Variants in PCNX2 observed in about 807,000 individuals in gnomAD.
The protein encoded by PCNX2 is pecanex 2.
Under a neutral mutation model 223.8 loss-of-function variants are expected in PCNX2, and 168 were observed. That is an observed-to-expected ratio of 0.75 (90% confidence interval 0.66 to 0.85). The LOEUF is 0.85. Ranked by LOEUF, PCNX2 falls within the 40% of genes least tolerant of loss-of-function variation. The probability of loss-of-function intolerance (pLI) is 0.00; values close to 1 mark genes in which losing one functional copy is unlikely to be tolerated. For synonymous variants in PCNX2, 1,006 were observed against 1,052.6 expected (o/e 0.96, Z 0.86); for missense variants, 2,507 against 2,675.5 (o/e 0.94, Z 1.39).
intron 23 of PCNX2, among the ~76,000 whole-genome samples, chr1:233,060,946 C>T (rs1365731446): frequency 3.3e-5 from 5 of 152,332 alleles, no homozygotes; most frequent in African/African-American, 4.8e-5. Context: ...TCCCTTCAAA[C>T]TTGGCCTTTC....
intron 32 of PCNX2, among the ~76,000 whole-genome samples, chr1:232,988,284 G>A (rs1669565802): frequency 6.6e-6 from 1 of 152,094 alleles, no homozygotes. Context: ...TACTTGGTGG[G>A]GAACTTCCTA....
chr1:233,035,241 T>C (rs558486279), intron 25 of PCNX2, among the ~76,000 whole-genome samples: 2 of 152,366 alleles, frequency 1.3e-5, no homozygotes, highest in South Asian at 2.1e-4. Flanking sequence ...ATTGGGCTTC[T>C]TGGTCCTTCA....
At chr1:233,196,854 T>C (rs142066944) in intron 15 of PCNX2, among the ~76,000 whole-genome samples, 15 of 152,172 alleles carry the variant, frequency 9.9e-5, no homozygotes, top group African/African-American at 3.6e-4. Flanking sequence ...CACTCAGGTA[T>C]TCACTTAGGA....
At position 233,258,061 on chromosome 1, in the gene PCNX2, C is replaced by T; in HGVS notation, c.1801G>A (p.Ala601Thr). 1 of 1,613,926 alleles carries T rather than the reference C, an allele frequency of 6.2e-7. No homozygotes were observed. Among genetic ancestry groups the T allele is most frequent in the South Asian group, 1.1e-5 (1 of 91,082 alleles). ...AGCCCACTTTCTTCATTCTGCTCAG[C>T]TGAGCCATTCAGTTGACTGGATGCC... ...MTASSQLNGS[A>T]EQNEESGLLR... Residue 601 changes from alanine to threonine, a missense_variant, in exon 5 of 34, where the codon GCT becomes ACT. Coordinates refer to ENST00000258229, the MANE Select transcript of PCNX2 (RefSeq NM_014801.4).
chr1:233,123,225 G>A (rs1423373729), intron 21 of PCNX2, among the ~76,000 whole-genome samples: 1 of 152,132 alleles, frequency 6.6e-6, no homozygotes, highest in African/African-American at 2.4e-5. Context: ...GGGTATATGG[G>A]AATTCTCTAT....
At chr1:233,024,206 T>A (rs1170539827) in intron 26 of PCNX2, among the ~76,000 whole-genome samples, 1 of 152,244 alleles carries the variant, frequency 6.6e-6, no homozygotes, top group Non-Finnish European at 1.5e-5. Flanking sequence ...TGAACCACCA[T>A]GTCTGGATTT....
chr1:233,247,817 G>T lies in PCNX2; in HGVS notation c.2222+2922C>A, dbSNP rs562582716. 1.4e-4 allele frequency among the ~76,000 whole-genome samples: 21 copies of T among 149,012 alleles called. 1 individual carries two copies. Among genetic ancestry groups the T allele is most frequent in the Admixed American group, 3.4e-4 (5 of 14,684 alleles). Reference sequence around the variant, plus strand: ...CACTTGAACCTGGAAGGCAGAGGTTGCAGTGAGCCAAGATTGCATCACTGT... The same window carrying T: ...CACTTGAACCTGGAAGGCAGAGGTTTCAGTGAGCCAAGATTGCATCACTGT... On this transcript the variant is annotated intron_variant, in intron 8 of 33. Transcript: ENST00000258229.
intron 23 of PCNX2, chr1:233,086,964 T>A (rs1485412174): frequency 7.6e-6 from 7 of 919,992 alleles, no homozygotes; most frequent in Admixed American, 6.2e-5. Flanking sequence ...GGGCAGAGAG[T>A]AGCAAGCAGG....
chr1:233,088,597 C>G (rs1673714131), intron 23 of PCNX2, among the ~76,000 whole-genome samples: 1 of 152,178 alleles, frequency 6.6e-6, no homozygotes, highest in Non-Finnish European at 1.5e-5. Flanking sequence ...GACAACTTTA[C>G]TTTTATTGCA....
chr1:233,206,637 A>T (rs1445926211), intron 13 of PCNX2, among the ~76,000 whole-genome samples: 1 of 152,024 alleles, frequency 6.6e-6, no homozygotes. Context: ...CAAATTATGG[A>T]TCTGTTCTTA....
In PCNX2 at chr1:233,227,517, A is replaced by G. The variant is rs905961679; in HGVS notation, c.2359-146T>C. On this transcript the variant is annotated intron_variant, in intron 9 of 33. Transcript: ENST00000258229. The stretch of plus-strand genomic sequence containing the variant: ...ACAAAAAGCAAATGTTCAAATTCTG[A>G]TATGTAAACCAACATATTTCATTCA... The G allele has an allele frequency of 7.0e-6, 5 of 709,690 alleles. No individual in the cohort carries two copies. The East Asian group carries it at 1.6e-4, about 23-fold the overall frequency. 44.0% of individuals were successfully genotyped at this position (709,690 alleles called of 1,614,324 possible).
chr1:233,104,644 C>T (rs375268475), intron 21 of PCNX2, among the ~76,000 whole-genome samples: 8 of 151,796 alleles, frequency 5.3e-5, no homozygotes, highest in Admixed American at 1.3e-4. Flanking sequence ...AATATTTGAC[C>T]GACAGAATTA....
At chr1:233,070,533 T>C (rs1319803971) in intron 23 of PCNX2, among the ~76,000 whole-genome samples, 1 of 152,102 alleles carries the variant, frequency 6.6e-6, no homozygotes, top group African/African-American at 2.4e-5. Flanking sequence ...GTGGGTTTAT[T>C]CCAGGGATGC....
intron 27 of PCNX2, among the ~76,000 whole-genome samples, chr1:233,016,171 C>T (rs962915790): frequency 6.6e-6 from 1 of 152,154 alleles, no homozygotes; most frequent in Non-Finnish European, 1.5e-5. Context: ...TTTTTAATCA[C>T]CCATAAGAAA....
chr1:233,019,493 C>A (rs530875716), intron 26 of PCNX2, among the ~76,000 whole-genome samples: 14 of 152,230 alleles, frequency 9.2e-5, no homozygotes, highest in African/African-American at 3.1e-4. Flanking sequence ...GCTAATGATG[C>A]CCACGTTGCA....
Position 232,984,219 on chromosome 1 carries a change from G to T in PCNX2, c.*85C>A, listed in dbSNP as rs1669373308. On this transcript the variant is annotated 3_prime_UTR_variant, in exon 34 of 34. Transcript: ENST00000258229. ...CCCTCATGGATCGCGGTATTGGTTGGTTGTGGTGATTTGGGGAGCACGAGG... is the reference window on the plus strand; with the variant it reads ...CCCTCATGGATCGCGGTATTGGTTGTTTGTGGTGATTTGGGGAGCACGAGG... 3 of 1,282,360 alleles carry T rather than the reference G, an allele frequency of 2.3e-6. No individual in the cohort carries two copies. The highest frequency in any genetic ancestry group is 3.1e-5 in the Admixed American group (1 of 32,418). 79.4% of individuals were successfully genotyped at this position (1,282,360 alleles called of 1,614,324 possible).
At chr1:233,301,824 C>T in the PCNX2 span, among the ~76,000 whole-genome samples, 2 of 130,970 alleles carry the variant, frequency 1.5e-5, no homozygotes, top group Non-Finnish European at 1.6e-5. Flanking sequence ...CAGAGTCTTG[C>T]TCTGCCGCCC....
At chr1:233,248,389 C>A (rs1659253185) in intron 8 of PCNX2, among the ~76,000 whole-genome samples, 1 of 152,030 alleles carries the variant, frequency 6.6e-6, no homozygotes, top group South Asian at 2.1e-4. Flanking sequence ...CAGAACCAAT[C>A]AGACACAATG....
chr1:233,165,384 C>T (rs998095579), intron 17 of PCNX2, among the ~76,000 whole-genome samples: 2 of 152,004 alleles, frequency 1.3e-5, no homozygotes, highest in African/African-American at 4.8e-5. Flanking sequence ...ATAATACTGC[C>T]ATTTGGTGGC....
Sources: gnomAD v4.1 joint callset for allele counts (sites outside exome capture counted in the v4.1 genomes callset) on GRCh38, gnomAD v4.1.1 for gene constraint, MANE v1.5 for transcripts, NCBI Gene and HGNC (gene_info 2026-07-23, HGNC 2026-07-21) for gene names.